Variants in SH3PXD2A observed in about 807,000 individuals in gnomAD.
SH3PXD2A encodes the protein SH3 and PX domain-containing protein 2A.
In SH3PXD2A, 32 loss-of-function variants were observed where a neutral mutation model predicts 115.2. The observed-to-expected ratio is 0.28, with a 90% CI of 0.21 to 0.37. The LOEUF is 0.37. Among genes scored for constraint, SH3PXD2A ranks in the 10% least tolerant of loss-of-function variants. The pLI, the probability that SH3PXD2A is intolerant of heterozygous loss-of-function variation, is 1.00. For missense variants in SH3PXD2A, 1,328 were observed against 1,498.7 expected (o/e 0.89, Z 1.88); for synonymous variants, 610 against 629.1 (o/e 0.97, Z 0.45).
intron 6 of SH3PXD2A, among the ~76,000 whole-genome samples, chr10:103,683,911 C>T (rs76127989): frequency 0.031 from 4,648 of 152,296 alleles, 103 homozygotes; most frequent in Middle Eastern, 0.051. Context: ...AAGGTCCCAC[C>T]TTCTCAGTTG....
intron 6 of SH3PXD2A, among the ~76,000 whole-genome samples, chr10:103,680,965 C>T (rs1176738904): frequency 1.3e-5 from 2 of 152,174 alleles, no homozygotes; most frequent in Non-Finnish European, 2.9e-5. Context: ...GTTTTTCCGC[C>T]GGCTTTGTCA....
intron 2 of SH3PXD2A, among the ~76,000 whole-genome samples, chr10:103,800,441 T>G (rs1162987712): frequency 3.3e-5 from 5 of 152,170 alleles, no homozygotes; most frequent in Admixed American, 1.3e-4. Flanking sequence ...GCCATATTCC[T>G]CAGGGTGTGA....
At chr10:103,785,517 C>A (rs757241247) in intron 2 of SH3PXD2A, among the ~76,000 whole-genome samples, 2 of 152,170 alleles carry the variant, frequency 1.3e-5, no homozygotes, top group Non-Finnish European at 2.9e-5. Flanking sequence ...CACAGCATGG[C>A]CCAGGGAAGG....
At chr10:103,751,037 T>A (rs1437179899) in intron 3 of SH3PXD2A, among the ~76,000 whole-genome samples, 2 of 152,162 alleles carry the variant, frequency 1.3e-5, no homozygotes, top group Admixed American at 6.5e-5. Context: ...CTCCAGGCAT[T>A]TCCCCCAGAC....
chr10:103,719,217 T>C (rs2038146639), intron 5 of SH3PXD2A, among the ~76,000 whole-genome samples: 1 of 152,242 alleles, frequency 6.6e-6, no homozygotes, highest in South Asian at 2.1e-4. Context: ...CTGAGGCCGG[T>C]ACCCACCTAC....
chr10:103,607,082 G>A (rs2036323556), intron 13 of SH3PXD2A, among the ~76,000 whole-genome samples: 1 of 151,732 alleles, frequency 6.6e-6, no homozygotes, highest in East Asian at 2.0e-4. Context: ...TCCCATCTAG[G>A]AAGTGAGGAG....
chr10:103,711,794 C>A (rs182562726), intron 5 of SH3PXD2A, among the ~76,000 whole-genome samples: 10 of 152,326 alleles, frequency 6.6e-5, no homozygotes, highest in Admixed American at 6.5e-4. Flanking sequence ...GCAGCTCACA[C>A]CTCTAATCCT....
chr10:103,698,082 G>A (rs937565748), intron 5 of SH3PXD2A, among the ~76,000 whole-genome samples: 1 of 152,086 alleles, frequency 6.6e-6, no homozygotes, highest in Non-Finnish European at 1.5e-5. Context: ...TAGGGATTTG[G>A]CCACAAGGAG....
chr10:103,790,724 T>C (rs1375198079), intron 2 of SH3PXD2A, among the ~76,000 whole-genome samples: 1 of 152,194 alleles, frequency 6.6e-6, no homozygotes, highest in East Asian at 1.9e-4. Context: ...TCTGAGACCA[T>C]GTCTGGGCTC....
intron 9 of SH3PXD2A, among the ~76,000 whole-genome samples, chr10:103,625,451 C>A (rs1224924320): frequency 6.6e-6 from 1 of 152,234 alleles, no homozygotes; most frequent in Non-Finnish European, 1.5e-5. Flanking sequence ...CATCTTGAAG[C>A]CTCAGTTGCC....
intron 3 of SH3PXD2A, among the ~76,000 whole-genome samples, chr10:103,764,551 G>A (rs745376088): frequency 6.6e-6 from 1 of 152,196 alleles, no homozygotes; most frequent in African/African-American, 2.4e-5. Flanking sequence ...CTCCATGCTT[G>A]ACTTTTCCCA....
chr10:103,622,586 C>A, intron 9 of SH3PXD2A, 33 bp from the exon 10 acceptor site: 1 of 1,278,452 alleles, frequency 7.8e-7, no homozygotes, highest in Non-Finnish European at 1.1e-6. Flanking sequence ...AGCATGCGGC[C>A]AACAGCAACC....
intron 2 of SH3PXD2A, among the ~76,000 whole-genome samples, chr10:103,796,647 T>C (rs1011877888): frequency 6.6e-6 from 1 of 152,082 alleles, no homozygotes; most frequent in African/African-American, 2.4e-5. Context: ...AGCTGCTGCC[T>C]GGGGGGCCTC....
Position 103,639,137 on chromosome 10 carries a change from C to T in SH3PXD2A, c.605-11935G>A, listed in dbSNP as rs747262345. Among the ~76,000 whole-genome samples, 32 of 152,200 alleles carry T rather than the reference C, an allele frequency of 2.1e-4. 2 individuals are homozygous for T. Among genetic ancestry groups the T allele is most frequent in the South Asian group, 1.5e-3 (7 of 4,810 alleles). On this transcript the variant is annotated intron_variant, in intron 8 of 14. Coordinates refer to ENST00000369774, the MANE Select transcript of SH3PXD2A (RefSeq NM_001394015.1). ...GTGCGGCAGGGCGACCCAGACAGCC[C>T]CATGCAGTGGACATGGCGGTGGGTG...
chr10:103,657,945 T>C (rs1329008727), intron 8 of SH3PXD2A, among the ~76,000 whole-genome samples: 1 of 152,238 alleles, frequency 6.6e-6, no homozygotes, highest in Admixed American at 6.5e-5. Context: ...TCAGCCTCCC[T>C]GCATGACCTC....
At chr10:103,713,030 G>T (rs1412832805) in intron 5 of SH3PXD2A, among the ~76,000 whole-genome samples, 1 of 152,216 alleles carries the variant, frequency 6.6e-6, no homozygotes, top group Non-Finnish European at 1.5e-5. Flanking sequence ...CAAGGGTCCA[G>T]CACGGCTTTA....
chr10:103,825,727 G>A (rs560890289), intron 1 of SH3PXD2A, among the ~76,000 whole-genome samples: 15 of 152,038 alleles, frequency 9.9e-5, no homozygotes, highest in African/African-American at 3.6e-4. Context: ...GCTGAGAACA[G>A]GGTGCTCCTG....
Position 103,762,642 on chromosome 10 carries a change from T to C in SH3PXD2A, c.229+4452A>G, listed in dbSNP as rs1365679256. Among the ~76,000 whole-genome samples the C allele has an allele frequency of 5.3e-5, 8 of 152,266 alleles. No homozygotes were observed. In the South Asian group the frequency reaches 1.5e-3, roughly 28 times the overall value. On this transcript the variant is annotated intron_variant, in intron 3 of 14. Coordinates refer to ENST00000369774, the MANE Select transcript of SH3PXD2A (RefSeq NM_001394015.1). ...GAACTGCCAGTCCCACGTGGGTCCA[T>C]AGCTTCTCATTGCCCTTCCAAGGCT...
rs1348109390 is a variant in SH3PXD2A at position 103,661,540 on chromosome 10, C to A, written c.473-426G>T. On this transcript the variant is annotated intron_variant, in intron 7 of 14. Transcript: ENST00000369774. ...GGGCCGGCAGGGGCATCGGGGAGGG[C>A]GGCGAGCCAGCGGGTGGGCGGCCCA... 4.4e-5 allele frequency: 25 copies of A among 566,272 alleles called. No individual in the cohort carries two copies. In the East Asian group the frequency reaches 5.8e-4, roughly 13 times the overall value. 35.1% of individuals were successfully genotyped at this position (566,272 alleles called of 1,614,324 possible).
Sources: allele counts gnomAD v4.1 joint callset (sites outside exome capture counted in the v4.1 genomes callset), GRCh38; gene constraint gnomAD v4.1.1; transcripts MANE v1.5; gene names NCBI Gene and HGNC (gene_info 2026-07-23, HGNC 2026-07-21).